PDE5A: variants seen among roughly 807,000 people sequenced by gnomAD.
PDE5A encodes the protein cGMP-specific 3',5'-cyclic phosphodiesterase.
PDE5A carries 67 observed loss-of-function variants against 110.2 expected under a neutral mutation model. The observed-to-expected ratio is 0.61, with a 90% CI of 0.50 to 0.75. PDE5A has a LOEUF of 0.75. PDE5A is among the 30% of genes least tolerant of loss of function. The pLI, the probability that PDE5A is intolerant of heterozygous loss-of-function variation, is 0.00. For synonymous variants in PDE5A, 328 were observed against 351.2 expected, an observed-to-expected ratio of 0.93 and a Z score of 0.74; for missense variants, 862 against 1,045.1, an observed-to-expected ratio of 0.82 and a Z score of 2.42.
chr4:119,535,841 G>C (rs1726707775), intron 11 of PDE5A, among the ~76,000 whole-genome samples: 1 of 152,066 alleles, frequency 6.6e-6, no homozygotes, highest in African/African-American at 2.4e-5. Context: ...GAATAAATTT[G>C]TTAAAATAAA....
rs912722437 is a variant in PDE5A at position 119,574,493 on chromosome 4, C to T, written c.832-7349G>A. Among the ~76,000 whole-genome samples, 12 of 152,082 alleles carry T rather than the reference C, an allele frequency of 7.9e-5. No homozygotes were observed. In the East Asian group the frequency reaches 2.3e-3, roughly 29 times the overall value. The stretch of plus-strand genomic sequence containing the variant: ...ACCGCGCCTGGCCAAAATATAGGCT[C>T]TTATGGACTCCTCTTTTATACTCAA... On this transcript the variant is annotated intron_variant, in intron 3 of 20. Transcript: ENST00000354960.
At chr4:119,571,774 C>T (rs1238552635) in intron 3 of PDE5A, among the ~76,000 whole-genome samples, 1 of 152,148 alleles carries the variant, frequency 6.6e-6, no homozygotes, top group Non-Finnish European at 1.5e-5. Context: ...CTCATTTTAT[C>T]TCTTCTGTTT....
chr4:119,578,907 C>G (rs982489713), intron 3 of PDE5A, among the ~76,000 whole-genome samples: 2 of 152,132 alleles, frequency 1.3e-5, no homozygotes, highest in African/African-American at 2.4e-5. Flanking sequence ...AGGCAACCTA[C>G]AAAATGGGAG....
At chr4:119,534,716 A>G (rs1726672519) in intron 11 of PDE5A, among the ~76,000 whole-genome samples, 1 of 152,180 alleles carries the variant, frequency 6.6e-6, no homozygotes, top group South Asian at 2.1e-4. Context: ...CAGAGTTTTC[A>G]AAAAATGAAG....
intron 18 of PDE5A, among the ~76,000 whole-genome samples, 158 bp from the exon 19 acceptor site, chr4:119,502,813 G>A (rs998706550): frequency 2.6e-5 from 4 of 152,150 alleles, no homozygotes; most frequent in Admixed American, 2.6e-4. Context: ...TGTCCAAAGC[G>A]TGCTCTCTTA....
rs1229314670 is a variant in PDE5A at position 119,576,275 on chromosome 4, G to T, written c.832-9131C>A. Among the ~76,000 whole-genome samples, 20 of 152,220 alleles carry T rather than the reference G, an allele frequency of 1.3e-4. No homozygotes were observed. The East Asian group carries it at 3.5e-3, about 26-fold the overall frequency. ...ACCCTACTGTCAACATTAGACAGATGAACGAGACAGAGAGTTAACAAGGAT... is the reference window on the plus strand; with the variant it reads ...ACCCTACTGTCAACATTAGACAGATTAACGAGACAGAGAGTTAACAAGGAT... On this transcript the variant is annotated intron_variant, in intron 3 of 20. Coordinates refer to ENST00000354960, the MANE Select transcript of PDE5A (RefSeq NM_001083.4).
intron 20 of PDE5A, among the ~76,000 whole-genome samples, 183 bp from the exon 21 acceptor site, chr4:119,498,921 G>C (rs1029835996): frequency 3.3e-5 from 5 of 152,142 alleles, no homozygotes; most frequent in Admixed American, 2.6e-4. Context: ...AAACACTACA[G>C]ATAAGGAGTA....
At chr4:119,578,209 C>T (rs1277505980) in intron 3 of PDE5A, among the ~76,000 whole-genome samples, 1 of 152,242 alleles carries the variant, frequency 6.6e-6, no homozygotes, top group Admixed American at 6.5e-5. Context: ...AATGGAAGAA[C>T]ATTCCATGCT....
chr4:119,581,417 C>T (rs1728584853), intron 3 of PDE5A, among the ~76,000 whole-genome samples: 1 of 152,044 alleles, frequency 6.6e-6, no homozygotes, highest in Non-Finnish European at 1.5e-5. Flanking sequence ...ATAAGATATT[C>T]AAGAAAAACA....
At chr4:119,562,791 T>C (rs1727787592) in intron 6 of PDE5A, 42 bp downstream of exon 6, 1 of 1,454,152 alleles carries the variant, frequency 6.9e-7, no homozygotes, top group Non-Finnish European at 9.1e-7. Context: ...AAATATAAGT[T>C]TCTGTCTTTC....
chr4:119,581,612 G>C (rs1012678550), intron 3 of PDE5A, among the ~76,000 whole-genome samples: 1 of 152,176 alleles, frequency 6.6e-6, no homozygotes, highest in African/African-American at 2.4e-5. Context: ...GCAGACATCT[G>C]TCTCACTAGC....
chr4:119,510,220 A>G (rs1725690427), intron 15 of PDE5A, among the ~76,000 whole-genome samples: 2 of 152,024 alleles, frequency 1.3e-5, no homozygotes, highest in African/African-American at 2.4e-5. Flanking sequence ...GTTGGAACCT[A>G]AAGTAACTAG....
chr4:119,559,871 C>T (rs914594941), intron 7 of PDE5A, among the ~76,000 whole-genome samples: 6 of 152,128 alleles, frequency 3.9e-5, no homozygotes, highest in African/African-American at 1.2e-4. Flanking sequence ...TTAGACAATC[C>T]ATGGTTTATC....
intron 20 of PDE5A, among the ~76,000 whole-genome samples, chr4:119,499,345 C>T (rs1459021154): frequency 1.3e-5 from 2 of 152,080 alleles, no homozygotes; most frequent in African/African-American, 4.8e-5. Context: ...AGAAACCTCA[C>T]AGAAACACAT....
At chr4:119,588,177 T>C (rs1728832526) in intron 3 of PDE5A, among the ~76,000 whole-genome samples, 2 of 150,422 alleles carry the variant, frequency 1.3e-5, no homozygotes, top group Admixed American at 1.3e-4. Flanking sequence ...TTTCTTTTTT[T>C]TTTTTTTTTT....
At chr4:119,558,625 A>G (rs1038350918) in intron 7 of PDE5A, among the ~76,000 whole-genome samples, 1 of 152,192 alleles carries the variant, frequency 6.6e-6, no homozygotes, top group Non-Finnish European at 1.5e-5. Flanking sequence ...AAATTCAGTT[A>G]CTGCAAATTT....
Position 119,592,456 on chromosome 4 carries a change from T to TAA in PDE5A, c.831+4065_831+4066dup, listed in dbSNP as rs55997249. 5.1e-3 allele frequency among the ~76,000 whole-genome samples: 339 copies of TAA among 66,166 alleles called. 11 individuals carry two copies. Among genetic ancestry groups the TAA allele is most frequent in the African/African-American group, 0.02 (313 of 15,302 alleles). 43.4% of individuals were successfully genotyped at this position (66,166 alleles called of 152,430 possible). ...CTGGGTGACAGAGCGAGACTCTGTTTAAAAAAAAAAAAAAAAAAAAAAAAA... is the reference window on the plus strand; with the variant it reads ...CTGGGTGACAGAGCGAGACTCTGTTTAAAAAAAAAAAAAAAAAAAAAAAAAAA... On this transcript the variant is annotated intron_variant, in intron 3 of 20. Coordinates refer to ENST00000354960, the MANE Select transcript of PDE5A (RefSeq NM_001083.4).
intron 15 of PDE5A, among the ~76,000 whole-genome samples, chr4:119,509,523 C>T (rs562524976): frequency 8.7e-4 from 132 of 151,984 alleles, no homozygotes; most frequent in African/African-American, 3.1e-3. Flanking sequence ...TGTATATGCA[C>T]GAGCCAAAGG....
At chr4:119,624,009 T>A (rs1490959933) in intron 1 of PDE5A, among the ~76,000 whole-genome samples, 1 of 152,160 alleles carries the variant, frequency 6.6e-6, no homozygotes, top group Non-Finnish European at 1.5e-5. Context: ...GGGGCTCCTA[T>A]GGATTTCTCC....
Sources: gnomAD v4.1 joint callset for allele counts (sites outside exome capture counted in the v4.1 genomes callset) on GRCh38, gnomAD v4.1.1 for gene constraint, MANE v1.5 for transcripts, NCBI Gene and HGNC (gene_info 2026-07-23, HGNC 2026-07-21) for gene names.